The following GPCPD1 variants were observed in gnomAD, a reference collection of about 807,000 sequenced individuals.
The protein encoded by GPCPD1 is glycerophosphocholine phosphodiesterase GPCPD1.
Under a neutral mutation model 89.2 loss-of-function variants are expected in GPCPD1, and 29 were observed. The observed-to-expected ratio is 0.33, with a 90% CI of 0.24 to 0.44. The LOEUF (loss-of-function observed/expected upper bound fraction) is 0.44. Ranked by LOEUF, GPCPD1 falls within the 20% of genes least tolerant of loss-of-function variation. GPCPD1 has a pLI of 1.00. For synonymous variants in GPCPD1, 258 were observed against 266.3 expected, an observed-to-expected ratio of 0.97 and a Z score of 0.30; for missense variants, 594 against 808.9, an observed-to-expected ratio of 0.73 and a Z score of 3.22.
At chr20:5,589,111 T>C (rs770824584) in intron 4 of GPCPD1, among the ~76,000 whole-genome samples, 2 of 152,166 alleles carry the variant, frequency 1.3e-5, no homozygotes, top group South Asian at 2.1e-4. Context: ...AATAGCATAT[T>C]TGAGGAACAG....
intron 7 of GPCPD1, among the ~76,000 whole-genome samples, chr20:5,579,029 T>A (rs2122682361): frequency 6.7e-6 from 1 of 149,900 alleles, no homozygotes; most frequent in Middle Eastern, 3.4e-3. Context: ...CTGCAAAAAA[T>A]ATAAAAATTA....
chr20:5,608,058 A>G (rs978335076), intron 1 of GPCPD1, among the ~76,000 whole-genome samples: 1 of 152,238 alleles, frequency 6.6e-6, no homozygotes, highest in African/African-American at 2.4e-5. Context: ...TATTTTAATC[A>G]ACTTAAGGGA....
At chr20:5,573,489 C>G (rs577038929) in intron 11 of GPCPD1, among the ~76,000 whole-genome samples, 38 of 152,292 alleles carry the variant, frequency 2.5e-4, no homozygotes, top group Non-Finnish European at 4.3e-4. Context: ...TTCAGATACT[C>G]ACTTTGGAAA....
chr20:5,604,215 A>G, intron 2 of GPCPD1, 149 bp downstream of exon 2: 2 of 587,838 alleles, frequency 3.4e-6, no homozygotes, highest in East Asian at 5.9e-5. Context: ...ACTATGCTCC[A>G]AGCACATTTC....
chr20:5,594,949 A>G (rs1979604205), intron 3 of GPCPD1, among the ~76,000 whole-genome samples: 1 of 152,170 alleles, frequency 6.6e-6, no homozygotes, highest in Admixed American at 6.5e-5. Flanking sequence ...TATATCTGTT[A>G]TGGTGATTGC....
Position 5,575,898 on chromosome 20 carries a change from A to C in GPCPD1, c.786T>G (p.Ile262Met). 6.2e-7 allele frequency: 1 copy of C among 1,603,782 alleles called. No individual in the cohort carries two copies. The change falls in exon 9 of 20, where the codon ATT becomes ATG. Residue 262 changes from isoleucine to methionine, a missense_variant. By Grantham distance (10) the Ile-to-Met change is conservative. Coordinates refer to ENST00000379019, the MANE Select transcript of GPCPD1 (RefSeq NM_019593.5). ...VGTACLLSST[I>M]AESGKSAGIL... The stretch of plus-strand genomic sequence containing the variant: ...TTCCAGCACTCTTTCCACTCTCAGC[A>C]ATGGTGGATGATAAGAGACAAGCTG...
chr20:5,607,968 G>C lies in GPCPD1; in HGVS notation c.-29+2874C>G, dbSNP rs144317937. On this transcript the variant is annotated intron_variant, in intron 1 of 19. Coordinates refer to ENST00000379019, the MANE Select transcript of GPCPD1 (RefSeq NM_019593.5). ...GCCCTTTCATTTGGTGTTTACTGCT[G>C]CGGTTCTCAACTAAAGACAACCTCA... Among the ~76,000 whole-genome samples, 807 of 152,280 alleles carry C rather than the reference G, an allele frequency of 5.3e-3. 5 individuals carry two copies. The highest frequency in any genetic ancestry group is 0.018 in the African/African-American group (734 of 41,560).
chr20:5,598,650 A>G (rs1979905630), intron 3 of GPCPD1, 75 bp downstream of exon 3: 1 of 806,238 alleles, frequency 1.2e-6, no homozygotes, highest in South Asian at 1.6e-5. Context: ...AAAAAATACC[A>G]AGATATCTTA....
intron 4 of GPCPD1, among the ~76,000 whole-genome samples, chr20:5,591,522 A>T (rs1158683258): frequency 1.3e-5 from 2 of 152,198 alleles, no homozygotes; most frequent in African/African-American, 4.8e-5. Context: ...ACACAGTAAA[A>T]TTAACCTTTC....
At chr20:5,581,923 G>A (rs1247239900) in intron 6 of GPCPD1, among the ~76,000 whole-genome samples, 2 of 138,920 alleles carry the variant, frequency 1.4e-5, no homozygotes, top group East Asian at 2.2e-4. Context: ...GGTGGCTCAC[G>A]CCTGTAATCC....
chr20:5,597,782 T>A (rs1447366421), intron 3 of GPCPD1, among the ~76,000 whole-genome samples: 1 of 152,216 alleles, frequency 6.6e-6, no homozygotes, highest in Non-Finnish European at 1.5e-5. Flanking sequence ...CACACTTAAC[T>A]GCAGAAGAGT....
At chr20:5,586,731 T>C (rs1215454310) in intron 4 of GPCPD1, among the ~76,000 whole-genome samples, 2 of 152,138 alleles carry the variant, frequency 1.3e-5, no homozygotes, top group African/African-American at 2.4e-5. Context: ...GAACAAGTAC[T>C]CAAGAACAAT....
chr20:5,606,182 T>G (rs1400078352), intron 1 of GPCPD1, among the ~76,000 whole-genome samples: 1 of 152,188 alleles, frequency 6.6e-6, no homozygotes, highest in Non-Finnish European at 1.5e-5. Context: ...AATACACACA[T>G]GTACATATAA....
chr20:5,574,671 A>G (rs6116855), intron 10 of GPCPD1, among the ~76,000 whole-genome samples: 108,592 of 152,072 alleles, frequency 0.71, 39,747 homozygotes, highest in African/African-American at 0.87. Flanking sequence ...TCCGGAAATT[A>G]AGGCTGCAGT....
At chr20:5,548,845 C>T in intron 19 of GPCPD1, 1 of 884,678 alleles carries the variant, frequency 1.1e-6, no homozygotes, top group Non-Finnish European at 1.6e-6. Flanking sequence ...GGCGGACTGT[C>T]AAACCAGAAA....
At chr20:5,561,362 G>T (rs1345430995) in intron 16 of GPCPD1, 103 bp downstream of exon 16, 3 of 609,722 alleles carry the variant, frequency 4.9e-6, no homozygotes, top group South Asian at 2.3e-5. Flanking sequence ...GCCACAATGA[G>T]ATTTCAATTT....
In GPCPD1 at chr20:5,573,922, G is replaced by A. The variant is rs1206371344; in HGVS notation, c.1049C>T (p.Ala350Val). The change falls in exon 11 of 20, where the codon GCT becomes GTT. Residue 350 changes from alanine (A) to valine (V), a missense_variant. Ala to Val is a moderately conservative substitution (Grantham distance 64). Coordinates refer to ENST00000379019, the MANE Select transcript of GPCPD1 (RefSeq NM_019593.5). ...TGTTTAAAGGTTACTTACATGACTA[G>A]CAGCATTTCTTAAAGAAGCAATAGT... ...ENTIASLRNA[A>V]SHGAAFVEFD... The A allele has an allele frequency of 6.6e-7, 1 of 1,510,138 alleles. No individual in the cohort carries two copies. Among genetic ancestry groups the A allele is most frequent in the Non-Finnish European group, 9.2e-7 (1 of 1,085,186 alleles). 93.5% of individuals were successfully genotyped at this position (1,510,138 alleles called of 1,614,324 possible).
chr20:5,572,684 T>C (rs1224478923), intron 11 of GPCPD1, among the ~76,000 whole-genome samples: 1 of 152,172 alleles, frequency 6.6e-6, no homozygotes, highest in Middle Eastern at 3.4e-3. Context: ...CACTTTGGAA[T>C]GTGAGGCGGT....
At chr20:5,588,812 G>A (rs1170722938) in intron 4 of GPCPD1, among the ~76,000 whole-genome samples, 3 of 151,828 alleles carry the variant, frequency 2.0e-5, no homozygotes, top group South Asian at 2.1e-4. Flanking sequence ...GCGATAGAGC[G>A]AGACTATGTC....
Sources: gnomAD v4.1 joint callset for allele counts (sites outside exome capture counted in the v4.1 genomes callset) on GRCh38, gnomAD v4.1.1 for gene constraint, MANE v1.5 for transcripts, NCBI Gene and HGNC (gene_info 2026-07-23, HGNC 2026-07-21) for gene names.